The following TMEFF2 variants were observed in gnomAD, a reference collection of about 807,000 sequenced individuals.
TMEFF2 encodes transmembrane protein with EGF like and two follistatin like domains 2.
Under a neutral mutation model 53.8 loss-of-function variants are expected in TMEFF2, and 28 were observed. That is an observed-to-expected ratio of 0.52 (90% CI 0.39 to 0.71). The LOEUF is 0.71. Among genes scored for constraint, TMEFF2 ranks in the 30% least tolerant of loss-of-function variants. TMEFF2 has a pLI of 0.00. For missense variants in TMEFF2, 353 were observed against 455.2 expected, an observed-to-expected ratio of 0.78 and a Z score of 2.04; for synonymous variants, 162 against 166.3, an observed-to-expected ratio of 0.97 and a Z score of 0.20.
intron 4 of TMEFF2, among the ~76,000 whole-genome samples, chr2:192,155,361 A>C (rs1690483185): frequency 6.6e-6 from 1 of 151,952 alleles, no homozygotes; most frequent in African/African-American, 2.4e-5. Context: ...TAAAGAGAAG[A>C]AAGCGTGGGT....
At chr2:192,018,907 C>T (rs1055129759) in intron 5 of TMEFF2, among the ~76,000 whole-genome samples, 6 of 151,818 alleles carry the variant, frequency 4.0e-5, no homozygotes, top group South Asian at 2.1e-4. Flanking sequence ...ATTTGCTGTA[C>T]TTATGTGATC....
chr2:191,959,362 A>C (rs1559061002), intron 7 of TMEFF2, among the ~76,000 whole-genome samples: 1 of 152,242 alleles, frequency 6.6e-6, no homozygotes, highest in African/African-American at 2.4e-5. Flanking sequence ...AGTTATCTGC[A>C]GCAGAGCTAA....
chr2:192,093,397 C>T (rs1688834040), intron 4 of TMEFF2, among the ~76,000 whole-genome samples: 1 of 128,484 alleles, frequency 7.8e-6, no homozygotes, highest in Non-Finnish European at 1.6e-5. Context: ...ATTATTTGTC[C>T]ACAAAAGAGC....
chr2:192,116,190 A>G (rs1190574654), intron 4 of TMEFF2, among the ~76,000 whole-genome samples: 1 of 152,062 alleles, frequency 6.6e-6, no homozygotes, highest in Non-Finnish European at 1.5e-5. Flanking sequence ...TTGCAACAAT[A>G]TGGATGAACC....
At chr2:191,993,494 CCAGGACTTA>C (rs1686153293) in intron 7 of TMEFF2, among the ~76,000 whole-genome samples, 1 of 151,974 alleles carries the variant, frequency 6.6e-6, no homozygotes, top group African/African-American at 2.4e-5. Context: ...GACATGAAAT[CCAGGACTTA>C]CATTTTTCAC....
chr2:192,144,605 C>T (rs1035693794), intron 4 of TMEFF2, among the ~76,000 whole-genome samples: 3 of 152,028 alleles, frequency 2.0e-5, no homozygotes, highest in African/African-American at 4.8e-5. Flanking sequence ...TGTGCAAGTA[C>T]GTTTTAACAT....
intron 7 of TMEFF2, among the ~76,000 whole-genome samples, chr2:191,958,374 A>G (rs1324627381): frequency 6.6e-6 from 1 of 152,220 alleles, no homozygotes; most frequent in Non-Finnish European, 1.5e-5. Flanking sequence ...AATTTCAGTT[A>G]TACACTGTCT....
chr2:192,157,632 G>A (rs1445089144), intron 4 of TMEFF2, among the ~76,000 whole-genome samples: 2 of 151,778 alleles, frequency 1.3e-5, no homozygotes, highest in Non-Finnish European at 1.5e-5. Flanking sequence ...TTGACACCAC[G>A]TATGGCACTT....
At chr2:192,093,666 T>C (rs1268142928) in intron 4 of TMEFF2, among the ~76,000 whole-genome samples, 1 of 151,860 alleles carries the variant, frequency 6.6e-6, no homozygotes, top group Non-Finnish European at 1.5e-5. Flanking sequence ...CCATAGAAAA[T>C]TGTATCATCT....
chr2:192,141,268 C>A (rs981684711), intron 4 of TMEFF2, among the ~76,000 whole-genome samples: 3 of 151,856 alleles, frequency 2.0e-5, no homozygotes, highest in Non-Finnish European at 2.9e-5. Context: ...GCCTGGCCAA[C>A]ATGGTGTAAT....
chr2:192,157,258 C>T (rs1018834284), intron 4 of TMEFF2, among the ~76,000 whole-genome samples: 2 of 151,978 alleles, frequency 1.3e-5, no homozygotes, highest in African/African-American at 4.8e-5. Flanking sequence ...AACTTTGTTG[C>T]CAAACATATC....
At chr2:192,153,001 G>C (rs536086701) in intron 4 of TMEFF2, among the ~76,000 whole-genome samples, 130 of 151,656 alleles carry the variant, frequency 8.6e-4, no homozygotes, top group African/African-American at 3.1e-3. Flanking sequence ...AGTTAATTTG[G>C]TGTATAATTT....
chr2:192,180,455 G>A (rs1188819300), intron 3 of TMEFF2, among the ~76,000 whole-genome samples: 1 of 151,488 alleles, frequency 6.6e-6, no homozygotes, highest in African/African-American at 2.4e-5. Context: ...AAACCATTAC[G>A]ATTCCATCTG....
intron 8 of TMEFF2, among the ~76,000 whole-genome samples, chr2:191,955,548 T>TTTTTTTTTTTTTTG (rs1559059111): frequency 2.8e-5 from 4 of 145,272 alleles, no homozygotes; most frequent in Admixed American, 6.9e-5. Flanking sequence ...TTTTTTTTTT[T>TTTTTTTTTTTTTTG]AGAGATAGGA....
Position 192,012,375 on chromosome 2 carries a change from C to T in TMEFF2, c.537-13167G>A, listed in dbSNP as rs753045395. Among the ~76,000 whole-genome samples the T allele has an allele frequency of 1.9e-4, 29 of 152,144 alleles. 1 individual carries two copies. Among genetic ancestry groups the T allele is most frequent in the Admixed American group, 1.6e-3 (24 of 15,284 alleles). On this transcript the variant is annotated intron_variant, in intron 5 of 9. Transcript: ENST00000272771. ...GTCTCTGAATAGTATGTGTTCTATA[C>T]CTTTGTCACTGACATAAGGTCTACT...
At position 192,030,939 on chromosome 2, in the gene TMEFF2, G is replaced by A. The variant is rs139831273; in HGVS notation, c.536+26740C>T. ...AGGTTGGGCGGGGCGGGGAGTTGATGGGTTAAATTGGGACATACAGAGTCA... is the reference window on the plus strand; with the variant it reads ...AGGTTGGGCGGGGCGGGGAGTTGATAGGTTAAATTGGGACATACAGAGTCA... On this transcript the variant is annotated intron_variant, in intron 5 of 9. Transcript: ENST00000272771. Among the ~76,000 whole-genome samples the A allele has an allele frequency of 2.5e-3, 377 of 152,218 alleles. 1 individual carries two copies. Among genetic ancestry groups the A allele is most frequent in the African/African-American group, 8.3e-3 (346 of 41,534 alleles).
intron 4 of TMEFF2, among the ~76,000 whole-genome samples, chr2:192,076,379 TATC>T (rs1688432697): frequency 6.6e-6 from 1 of 152,132 alleles, no homozygotes; most frequent in African/African-American, 2.4e-5. Context: ...GCACCACAAA[TATC>T]TTCTCTAAAT....
intron 4 of TMEFF2, among the ~76,000 whole-genome samples, chr2:192,139,553 C>T (rs760692979): frequency 7.2e-5 from 11 of 152,096 alleles, no homozygotes; most frequent in Non-Finnish European, 8.8e-5. Flanking sequence ...AGAGTAAATC[C>T]CACAAGATCA....
At chr2:192,190,070 T>A (rs980913324) in intron 2 of TMEFF2, among the ~76,000 whole-genome samples, 1 of 152,228 alleles carries the variant, frequency 6.6e-6, no homozygotes, top group East Asian at 1.9e-4. Flanking sequence ...GGCCAATGTA[T>A]GAAAAACACA....
Sources: allele counts gnomAD v4.1 joint callset (sites outside exome capture counted in the v4.1 genomes callset), GRCh38; gene constraint gnomAD v4.1.1; transcripts MANE v1.5; gene names NCBI Gene and HGNC (gene_info 2026-07-23, HGNC 2026-07-21).